Variants in DLG3 observed in about 807,000 individuals in gnomAD.
DLG3 encodes the protein disks large homolog 3.
Under a neutral mutation model 64.1 loss-of-function variants are expected in DLG3, and 1 was observed. The ratio of observed to expected loss-of-function variants is 0.02; its 90% CI spans 0.01 to 0.07. DLG3 has a LOEUF of 0.07. Ranked by LOEUF, DLG3 falls within the 10% of genes least tolerant of loss-of-function variation. The probability of loss-of-function intolerance (pLI) is 1.00; values close to 1 mark genes in which losing one functional copy is unlikely to be tolerated. For synonymous variants in DLG3, 245 were observed against 259.8 expected, an observed-to-expected ratio of 0.94 and a Z score of 0.55; for missense variants, 429 against 669.5, an observed-to-expected ratio of 0.64 and a Z score of 3.96.
intron 9 of DLG3, among the ~76,000 whole-genome samples, chrX:70,455,493 C>T (rs1166930636): frequency 1.8e-5 from 2 of 110,317 alleles, no homozygotes; most frequent in South Asian, 4.0e-4. Context: ...TGGCCTTCAC[C>T]TCTTAGCCAT....
chrX:70,490,935 CAG>C (rs967991104), intron 10 of DLG3, among the ~76,000 whole-genome samples: 3 of 107,860 alleles, frequency 2.8e-5, no homozygotes, highest in Admixed American at 9.9e-5. Flanking sequence ...TTTTTTGAGA[CAG>C]AGTCTTGCTC....
At chrX:70,470,850 G>GT (rs760406959) in intron 9 of DLG3, among the ~76,000 whole-genome samples, 2 of 111,843 alleles carry the variant, frequency 1.8e-5, no homozygotes, top group African/African-American at 6.5e-5. Context: ...AAGCCTGGGT[G>GT]TGTGTCCAGT....
intron 9 of DLG3, among the ~76,000 whole-genome samples, chrX:70,456,609 T>A (rs1602889464): frequency 8.9e-6 from 1 of 112,249 alleles, no homozygotes; most frequent in East Asian, 2.8e-4. Flanking sequence ...TGTTTTATGC[T>A]AGTTCTTTCT....
At chrX:70,451,303 A>G (rs940004765) in intron 6 of DLG3, among the ~76,000 whole-genome samples, 29 of 110,771 alleles carry the variant, frequency 2.6e-4, no homozygotes, top group African/African-American at 9.2e-4. Context: ...GGGTTTCTCC[A>G]TGTTGGCAAG....
At chrX:70,476,196 G>A (rs10521348) in intron 9 of DLG3, among the ~76,000 whole-genome samples, 5,669 of 111,946 alleles carry the variant, frequency 0.051, 284 homozygotes, top group Admixed American at 0.22. Flanking sequence ...GAAAGAGGGC[G>A]ATGACTGGAT....
Position 70,500,494 on chromosome X carries a change from T to C in DLG3, c.2169T>C (p.Val723=), listed in dbSNP as rs746531035. Residue 723 remains valine, a synonymous_variant, in exon 17 of 19, where the codon GTT becomes GTC. Coordinates refer to ENST00000374360, the MANE Select transcript of DLG3 (RefSeq NM_021120.4). ...AGGGCAAGCACTGCATCTTAGATGT[T>C]TCCGGCAATGCTATCAAGAGACTGC... ...AERGKHCILD[V]SGNAIKRLQQ... 1 of 1,210,620 alleles carries C rather than the reference T, an allele frequency of 8.3e-7. No individual in the cohort carries two copies. Among genetic ancestry groups the C allele is most frequent in the East Asian group, 3.0e-5 (1 of 33,832 alleles).
chrX:70,458,545 C>T (rs902140210), intron 9 of DLG3, among the ~76,000 whole-genome samples: 1 of 112,023 alleles, frequency 8.9e-6, no homozygotes, highest in South Asian at 3.8e-4. Context: ...CCCACCTCGA[C>T]CTCCCAAAGC....
At chrX:70,484,897 C>T (rs1203721822) in intron 10 of DLG3, among the ~76,000 whole-genome samples, 4 of 112,111 alleles carry the variant, frequency 3.6e-5, no homozygotes, top group African/African-American at 6.5e-5. Context: ...TTGACCCACA[C>T]TGTGCCTGTC....
At chrX:70,487,910 C>T (rs745622811) in intron 10 of DLG3, among the ~76,000 whole-genome samples, 13 of 111,654 alleles carry the variant, frequency 1.2e-4, no homozygotes, top group Non-Finnish European at 2.4e-4. Flanking sequence ...CTCAGCCTCC[C>T]AAAGTGCTAA....
rs182185700 is a variant in DLG3 at position 70,471,772 on chromosome X, C to G, written c.1406-7378C>G. Among the ~76,000 whole-genome samples the G allele has an allele frequency of 2.0e-3, 221 of 111,526 alleles. 1 individual carries two copies. The highest frequency in any genetic ancestry group is 7.0e-3 in the African/African-American group (214 of 30,745). The stretch of plus-strand genomic sequence containing the variant: ...TATATTTCTTTTTTGTCTTTCTCCA[C>G]TTTTGAAGGATCCAACATATTTCTT... On this transcript the variant is annotated intron_variant, in intron 9 of 18. Transcript: ENST00000374360.
At chrX:70,482,029 G>A (rs977381396) in intron 10 of DLG3, among the ~76,000 whole-genome samples, 1 of 111,775 alleles carries the variant, frequency 8.9e-6, no homozygotes, top group African/African-American at 3.3e-5. Flanking sequence ...TCAAACAAGC[G>A]GCATGTACTT....
intron 9 of DLG3, chrX:70,455,141 T>A: frequency 1.4e-5 from 10 of 725,663 alleles, no homozygotes; most frequent in Non-Finnish European, 1.6e-5. Context: ...TCCTTCCCCC[T>A]CCTCTCTCCT....
At chrX:70,498,315 C>A (rs1369131519) in intron 13 of DLG3, among the ~76,000 whole-genome samples, 1 of 112,476 alleles carries the variant, frequency 8.9e-6, no homozygotes, top group Non-Finnish European at 1.9e-5. Flanking sequence ...AGTGATATTT[C>A]ACTGAACAAG....
chrX:70,445,328 G>C lies in DLG3; in HGVS notation c.127G>C (p.Gly43Arg). The C allele has an allele frequency of 8.6e-7, 1 of 1,168,180 alleles. No homozygotes were observed. The highest frequency in any genetic ancestry group is 1.1e-6 in the Non-Finnish European group (1 of 875,086). The change falls in exon 1 of 19, where the codon GGG becomes CGG. Residue 43 changes from glycine (G) to arginine (R), a missense_variant. Gly to Arg is a moderately radical substitution (Grantham distance 125). This residue lies in a region of DLG3 where 123 missense variants were observed against 113.3 expected (regional missense o/e 1.09). Transcript: ENST00000374360. ...AGTCCCCGACCCTTACGGGCCAGGT[G>C]GGGGCAACGGCGCCAGCGCGGGTTA... ...WQVPDPYGPG[G>R]GNGASAGYGG...
At chrX:70,452,434 G>A in intron 7 of DLG3, 8 of 955,329 alleles carry the variant, frequency 8.4e-6, no homozygotes, top group Non-Finnish European at 1.0e-5. Flanking sequence ...GACCGGCCCG[G>A]TGGCCTCGCC....
At chrX:70,452,735 G>A (rs2086637053) in intron 7 of DLG3, 4 of 1,194,825 alleles carry the variant, frequency 3.3e-6, no homozygotes, top group Non-Finnish European at 4.5e-6. Context: ...TCCGCTCCCT[G>A]CGGCCCGGAG....
chrX:70,501,233 T>G (rs2087552051), intron 18 of DLG3, among the ~76,000 whole-genome samples: 1 of 111,582 alleles, frequency 9.0e-6, no homozygotes, highest in Admixed American at 9.6e-5. Flanking sequence ...TTTGTTCATT[T>G]TGTCTTGTCC....
intron 9 of DLG3, among the ~76,000 whole-genome samples, chrX:70,470,192 G>A (rs894283229): frequency 3.6e-5 from 4 of 111,261 alleles, no homozygotes; most frequent in Non-Finnish European, 7.5e-5. Context: ...TGTGTTTGAA[G>A]TCTGTCATCC....
intron 18 of DLG3, among the ~76,000 whole-genome samples, chrX:70,501,413 CTGTG>C (rs58272461): frequency 6.4e-5 from 6 of 93,876 alleles, no homozygotes; most frequent in Non-Finnish European, 8.3e-5. Context: ...GTCTGTCTGT[CTGTG>C]TGTGTGTGTG....
Sources: gnomAD v4.1 joint callset for allele counts (sites outside exome capture counted in the v4.1 genomes callset) on GRCh38, gnomAD v4.1.1 for gene constraint, gnomAD v4.1.1 regional missense constraint, MANE v1.5 for transcripts, NCBI Gene and HGNC (gene_info 2026-07-23, HGNC 2026-07-21) for gene names.